Variants in SCAI observed in about 807,000 individuals in gnomAD.
SCAI encodes suppressor of cancer cell invasion, also known as protein SCAI.
Under a neutral mutation model 92.2 loss-of-function variants are expected in SCAI, and 24 were observed. That is an observed-to-expected ratio of 0.26 (90% confidence interval 0.19 to 0.37). The LOEUF is 0.37. SCAI is among the 10% of genes least tolerant of loss of function. SCAI has a pLI of 1.00. For synonymous variants in SCAI, 261 were observed against 258.6 expected (o/e 1.01, Z -0.09); for missense variants, 450 against 736.2 (o/e 0.61, Z 4.50).
At chr9:125,008,851 T>C (rs1164225870) in intron 9 of SCAI, among the ~76,000 whole-genome samples, 1 of 151,958 alleles carries the variant, frequency 6.6e-6, no homozygotes, top group Non-Finnish European at 1.5e-5. Context: ...TTCAAGAAAC[T>C]CTGTGAACCT....
At chr9:125,106,571 A>G (rs754337869) in intron 2 of SCAI, among the ~76,000 whole-genome samples, 11 of 152,184 alleles carry the variant, frequency 7.2e-5, no homozygotes, top group Non-Finnish European at 1.3e-4. Context: ...AGTCTTGTGT[A>G]ACAAGTTGGA....
intron 2 of SCAI, among the ~76,000 whole-genome samples, chr9:125,097,134 T>A (rs1031060790): frequency 6.6e-6 from 1 of 152,138 alleles, no homozygotes; most frequent in Non-Finnish European, 1.5e-5. Flanking sequence ...GCAAAATTTG[T>A]TAAAAGTTAA....
At chr9:124,985,142 C>G (rs568527716) in intron 14 of SCAI, among the ~76,000 whole-genome samples, 1 of 152,146 alleles carries the variant, frequency 6.6e-6, no homozygotes, top group Non-Finnish European at 1.5e-5. Context: ...AAGGGTACAC[C>G]CTTTAACCTG....
chr9:125,046,373 C>T (rs1431569363), intron 3 of SCAI, among the ~76,000 whole-genome samples: 1 of 114,770 alleles, frequency 8.7e-6, no homozygotes, highest in African/African-American at 3.3e-5. Context: ...ATGAGATAGG[C>T]CATAAAAGGA....
At chr9:124,988,894 C>T (rs1832051964) in intron 14 of SCAI, among the ~76,000 whole-genome samples, 1 of 152,268 alleles carries the variant, frequency 6.6e-6, no homozygotes, top group South Asian at 2.1e-4. Flanking sequence ...AATCCCAGAA[C>T]TTTGGGAGGC....
intron 2 of SCAI, among the ~76,000 whole-genome samples, chr9:125,064,350 T>A (rs751199833): frequency 6.6e-5 from 10 of 152,314 alleles, no homozygotes; most frequent in Non-Finnish European, 1.5e-4. Flanking sequence ...AAAGACCAAT[T>A]CTAGACGGGT....
At chr9:125,135,985 A>AC (rs1361932780) in intron 2 of SCAI, among the ~76,000 whole-genome samples, 4 of 150,784 alleles carry the variant, frequency 2.7e-5, no homozygotes, top group African/African-American at 9.8e-5. Context: ...AAAAAAAAAA[A>AC]CAAAAAAAAA....
At chr9:124,996,275 C>T (rs1365553523) in intron 13 of SCAI, among the ~76,000 whole-genome samples, 1 of 151,948 alleles carries the variant, frequency 6.6e-6, no homozygotes, top group East Asian at 1.9e-4. Context: ...TTTACTCTTT[C>T]AGAAAATTTC....
chr9:125,098,832 T>G (rs886310983), intron 2 of SCAI, among the ~76,000 whole-genome samples: 6 of 152,216 alleles, frequency 3.9e-5, no homozygotes, highest in African/African-American at 1.4e-4. Flanking sequence ...GGAGATGTTT[T>G]GTTGTTGTTG....
At chr9:125,002,518 T>C (rs1030570904) in intron 11 of SCAI, among the ~76,000 whole-genome samples, 9 of 100,662 alleles carry the variant, frequency 8.9e-5, no homozygotes, top group Non-Finnish European at 9.5e-5. Flanking sequence ...GTTTCACTCT[T>C]GTTGCCCAGG....
chr9:125,140,286 G>A (rs1284012202), intron 2 of SCAI, among the ~76,000 whole-genome samples: 1 of 152,144 alleles, frequency 6.6e-6, no homozygotes, highest in Non-Finnish European at 1.5e-5. Context: ...CCAGCACTTT[G>A]GGAGGCCTAG....
intron 14 of SCAI, among the ~76,000 whole-genome samples, chr9:124,982,678 TCA>T (rs1491372653): frequency 1.2e-4 from 8 of 65,640 alleles, no homozygotes; most frequent in Admixed American, 9.1e-4. Flanking sequence ...CGACTCTGTC[TCA>T]AAAAAAAAAA....
intron 2 of SCAI, among the ~76,000 whole-genome samples, chr9:125,095,291 CA>C: frequency 6.6e-6 from 1 of 152,328 alleles, no homozygotes; most frequent in Admixed American, 6.5e-5. Context: ...TTCTCCCTGC[CA>C]AATCTTGCTT....
At chr9:125,120,580 C>G (rs1299482023) in intron 2 of SCAI, among the ~76,000 whole-genome samples, 1 of 152,184 alleles carries the variant, frequency 6.6e-6, no homozygotes, top group African/African-American at 2.4e-5. Context: ...GTAATCCCAG[C>G]TACTCGGGAG....
At chr9:125,068,123 C>T (rs1833908239) in intron 2 of SCAI, among the ~76,000 whole-genome samples, 1 of 152,192 alleles carries the variant, frequency 6.6e-6, no homozygotes, top group Non-Finnish European at 1.5e-5. Flanking sequence ...CCGAGTATTT[C>T]TGTTGCTAAC....
At chr9:124,958,957 T>C (rs1395551934) in intron 17 of SCAI, among the ~76,000 whole-genome samples, 1 of 150,240 alleles carries the variant, frequency 6.7e-6, no homozygotes, top group Non-Finnish European at 1.5e-5. Context: ...TAACTTTAAG[T>C]AAAGATTTCT....
At chr9:125,109,665 CTAT>C (rs1331920957) in intron 2 of SCAI, among the ~76,000 whole-genome samples, 5 of 151,634 alleles carry the variant, frequency 3.3e-5, no homozygotes, top group African/African-American at 1.2e-4. Context: ...ATCTATCTAT[CTAT>C]CTATCTATCT....
At chr9:125,074,287 C>T (rs867614680) in intron 2 of SCAI, among the ~76,000 whole-genome samples, 4 of 149,880 alleles carry the variant, frequency 2.7e-5, no homozygotes, top group African/African-American at 9.8e-5. Context: ...GATAGAGTCT[C>T]GCTCTGTCAC....
intron 2 of SCAI, among the ~76,000 whole-genome samples, chr9:125,087,062 G>A (rs1337152965): frequency 6.6e-6 from 1 of 152,070 alleles, no homozygotes; most frequent in African/African-American, 2.4e-5. Flanking sequence ...AGGCAAACTA[G>A]GACATATGGT....
Sources: allele counts gnomAD v4.1 joint callset (sites outside exome capture counted in the v4.1 genomes callset), GRCh38; gene constraint gnomAD v4.1.1; transcripts MANE v1.5; gene names NCBI Gene and HGNC (gene_info 2026-07-23, HGNC 2026-07-21).